RALGPS1: variants seen among roughly 807,000 people sequenced by gnomAD.
The protein encoded by RALGPS1 is ras-specific guanine nucleotide-releasing factor RalGPS1.
Under a neutral mutation model 78.8 loss-of-function variants are expected in RALGPS1, and 19 were observed. The observed-to-expected ratio is 0.24, with a 90% CI of 0.17 to 0.35. The LOEUF is 0.35. Ranked by LOEUF, RALGPS1 falls within the 10% of genes least tolerant of loss-of-function variation. RALGPS1 has a pLI of 1.00. For missense variants in RALGPS1, 454 were observed against 688.3 expected (o/e 0.66, Z 3.81); for synonymous variants, 228 against 256.3 (o/e 0.89, Z 1.06).
At chr9:126,974,259 TC>T (rs1241453398) in intron 3 of RALGPS1, among the ~76,000 whole-genome samples, 4 of 152,190 alleles carry the variant, frequency 2.6e-5, no homozygotes, top group Admixed American at 2.0e-4. Flanking sequence ...ACAGAACAGT[TC>T]CTAGGCCCAT....
intron 8 of RALGPS1, among the ~76,000 whole-genome samples, chr9:127,101,718 G>A (rs867736380): frequency 1.3e-5 from 2 of 152,202 alleles, no homozygotes; most frequent in Non-Finnish European, 2.9e-5. Flanking sequence ...TTATGTCTGG[G>A]ATGGTGCCAG....
intron 4 of RALGPS1, among the ~76,000 whole-genome samples, chr9:126,984,425 A>G (rs1380231001): frequency 6.6e-6 from 1 of 152,240 alleles, no homozygotes; most frequent in Non-Finnish European, 1.5e-5. Context: ...ATTCTTAAGA[A>G]GAATTTTTCC....
intron 7 of RALGPS1, among the ~76,000 whole-genome samples, chr9:127,054,478 G>A (rs1313678493): frequency 6.6e-6 from 1 of 152,164 alleles, no homozygotes; most frequent in East Asian, 1.9e-4. Context: ...GGTGTCTAAG[G>A]GTCTTGCGCA....
intron 1 of RALGPS1, among the ~76,000 whole-genome samples, chr9:126,933,207 A>G (rs1237932406): frequency 2.6e-5 from 4 of 152,142 alleles, no homozygotes; most frequent in African/African-American, 9.7e-5. Flanking sequence ...GGGAGGAGAA[A>G]GAGGGACGGG....
chr9:126,930,174 G>A (rs983335920), intron 1 of RALGPS1, among the ~76,000 whole-genome samples: 1 of 140,126 alleles, frequency 7.1e-6, no homozygotes, highest in Non-Finnish European at 1.6e-5. Flanking sequence ...TTTTATTTTA[G>A]TTTTTTTTTT....
Position 127,166,135 on chromosome 9 carries a change from A to G in RALGPS1, c.677A>G (p.Asn226Ser). Reference sequence around the variant, plus strand: ...CCTGCCTCAGGCAGTATCATGGAAAATGAACAAAGATCCAATCAGATGAAC... The same window carrying G: ...CCTGCCTCAGGCAGTATCATGGAAAGTGAACAAAGATCCAATCAGATGAAC... ...AYPASGSIME[N>S]EQRSNQMNNI... is the part of the protein sequence containing the mutation. The change falls in exon 9 of 19, where the codon AAT becomes AGT. Residue 226 changes from asparagine to serine, a missense_variant. By Grantham distance (46) the Asn-to-Ser change is conservative (BLOSUM62 1). Coordinates refer to ENST00000259351, the MANE Select transcript of RALGPS1 (RefSeq NM_014636.3). The G allele has an allele frequency of 3.1e-6, 5 of 1,613,720 alleles. No homozygotes were observed. The highest frequency in any genetic ancestry group is 4.2e-6 in the Non-Finnish European group (5 of 1,179,948).
chr9:127,201,293 G>A (rs1487416938), intron 14 of RALGPS1, among the ~76,000 whole-genome samples: 2 of 152,228 alleles, frequency 1.3e-5, no homozygotes, highest in South Asian at 4.1e-4. Context: ...CAGGGAGGAT[G>A]TCCTGTTTCT....
chr9:127,046,111 G>A (rs2047747717), intron 5 of RALGPS1, among the ~76,000 whole-genome samples: 3 of 152,136 alleles, frequency 2.0e-5, no homozygotes, highest in Admixed American at 6.5e-5. Context: ...AACAATTTGA[G>A]CAGCATATAA....
At chr9:127,194,714 A>G (rs1588488290) in intron 11 of RALGPS1, among the ~76,000 whole-genome samples, 1 of 152,196 alleles carries the variant, frequency 6.6e-6, no homozygotes, top group South Asian at 2.1e-4. Flanking sequence ...CACCCGGCCT[A>G]GAAGACATAC....
intron 3 of RALGPS1, among the ~76,000 whole-genome samples, chr9:126,975,115 A>G (rs544274542): frequency 6.6e-6 from 1 of 152,230 alleles, no homozygotes; most frequent in African/African-American, 2.4e-5. Flanking sequence ...TCTTGTATCA[A>G]AATATCCTTG....
chr9:127,182,316 TCCTTCCTTCCTTCCTG>T (rs1175378395), intron 11 of RALGPS1, among the ~76,000 whole-genome samples: 18 of 148,256 alleles, frequency 1.2e-4, no homozygotes, highest in African/African-American at 4.5e-4. Flanking sequence ...CTACCTACCT[TCCTTCCTTCCTTCCTG>T]CCTTCCTTCC....
chr9:126,948,260 A>G (rs2037470804), intron 1 of RALGPS1, among the ~76,000 whole-genome samples: 1 of 152,332 alleles, frequency 6.6e-6, no homozygotes, highest in Middle Eastern at 3.4e-3. Flanking sequence ...TCATGCCTGT[A>G]ATCCCAACAC....
At chr9:127,199,354 G>A (rs543209914) in intron 14 of RALGPS1, among the ~76,000 whole-genome samples, 25 of 152,310 alleles carry the variant, frequency 1.6e-4, no homozygotes, top group African/African-American at 4.8e-4. Context: ...GATTTGGTCC[G>A]AAGTGTGGGT....
intron 11 of RALGPS1, among the ~76,000 whole-genome samples, chr9:127,194,131 A>G (rs1314431528): frequency 1.3e-5 from 2 of 152,230 alleles, no homozygotes; most frequent in Non-Finnish European, 2.9e-5. Context: ...ACCATAATAA[A>G]TTAAGTATGA....
At chr9:127,207,726 C>G (rs1350909880) in intron 14 of RALGPS1, among the ~76,000 whole-genome samples, 1 of 152,146 alleles carries the variant, frequency 6.6e-6, no homozygotes, top group Non-Finnish European at 1.5e-5. Context: ...CAGCACGGTC[C>G]TCCTCCAGCT....
chr9:126,997,711 A>G (rs2042903666), intron 4 of RALGPS1, among the ~76,000 whole-genome samples: 1 of 152,234 alleles, frequency 6.6e-6, no homozygotes, highest in Non-Finnish European at 1.5e-5. Context: ...CACATCGCCA[A>G]GTGAATCCTA....
intron 1 of RALGPS1, among the ~76,000 whole-genome samples, chr9:126,942,799 C>T (rs1470025758): frequency 1.3e-5 from 2 of 152,142 alleles, no homozygotes; most frequent in Non-Finnish European, 2.9e-5. Context: ...CTTTACAATA[C>T]TGTCTCCTTA....
chr9:127,056,820 T>C (rs1252050176), intron 7 of RALGPS1, among the ~76,000 whole-genome samples: 2 of 152,212 alleles, frequency 1.3e-5, no homozygotes, highest in Admixed American at 6.5e-5. Flanking sequence ...CTGAGTTGCA[T>C]TGCATCCTTC....
chr9:126,938,594 G>A (rs756002034), intron 1 of RALGPS1, among the ~76,000 whole-genome samples: 1 of 152,212 alleles, frequency 6.6e-6, no homozygotes, highest in Admixed American at 6.5e-5. Context: ...AAGGAAGGGT[G>A]GGTTGATGGC....
Sources: allele counts gnomAD v4.1 joint callset (sites outside exome capture counted in the v4.1 genomes callset), GRCh38; gene constraint gnomAD v4.1.1; transcripts MANE v1.5; gene names NCBI Gene and HGNC (gene_info 2026-07-23, HGNC 2026-07-21).